Variants in MBIP observed in about 807,000 individuals in gnomAD.
MBIP encodes MAP3K12-binding inhibitory protein 1.
MBIP carries 32 observed loss-of-function variants against 45.7 expected under a neutral mutation model. The observed-to-expected ratio is 0.70, with a 90% confidence interval of 0.53 to 0.94. The LOEUF (loss-of-function observed/expected upper bound fraction) is 0.94, where lower values mean the gene tolerates loss of function less well. MBIP is among the 40% of genes least tolerant of loss of function. The pLI is 0.00. For missense variants in MBIP, 381 were observed against 405.5 expected (o/e 0.94, Z 0.52); for synonymous variants, 145 against 141.0 (o/e 1.03, Z -0.20).
chr14:36,310,361 C>G (rs929837147), intron 6 of MBIP, among the ~76,000 whole-genome samples: 6 of 152,100 alleles, frequency 3.9e-5, no homozygotes, highest in African/African-American at 1.4e-4. Context: ...AATGGTGTTT[C>G]TTCTTTTTGG....
intron 1 of MBIP, among the ~76,000 whole-genome samples, chr14:36,318,401 A>C (rs982494839): frequency 6.6e-6 from 1 of 152,008 alleles, no homozygotes; most frequent in Non-Finnish European, 1.5e-5. Flanking sequence ...ATAATGTCAC[A>C]AATTAATTTT....
rs535714240 is a variant in MBIP at position 36,307,076 on chromosome 14, C to T, written c.888+1016G>A. 5.3e-5 allele frequency among the ~76,000 whole-genome samples: 8 copies of T among 152,256 alleles called. No individual in the cohort carries two copies. The South Asian group carries it at 1.7e-3, about 32-fold the overall frequency. The stretch of plus-strand genomic sequence containing the variant: ...ATCTCATTTGATCTTTGCTTCAGCC[C>T]TTAGTATTTTCATAAACCTCATTTT... On this transcript the variant is annotated intron_variant, in intron 7 of 8. Transcript: ENST00000416007.
rs1237687610 is a variant in MBIP, at chr14:36,308,207, A to T, written c.791-18T>A. On this transcript the variant is annotated intron_variant, in intron 6 of 8. Transcript: ENST00000416007. ...TGGACCACCTAAATACATTAAAAAAAAATCTGAGATACTATTGAATAATTC... is the reference window on the plus strand; with the variant it reads ...TGGACCACCTAAATACATTAAAAAATAATCTGAGATACTATTGAATAATTC... The T allele has an allele frequency of 1.6e-6, 2 of 1,235,292 alleles. No individual in the cohort carries two copies. Among genetic ancestry groups the T allele is most frequent in the Non-Finnish European group, 2.3e-6 (2 of 861,160 alleles). The allele number at this position is 1,235,292 out of a possible 1,614,324, so 76.5% of individuals were successfully genotyped here.
At chr14:36,310,251 C>T (rs1880123812) in intron 6 of MBIP, among the ~76,000 whole-genome samples, 1 of 152,082 alleles carries the variant, frequency 6.6e-6, no homozygotes, top group Non-Finnish European at 1.5e-5. Flanking sequence ...CTTCTTCTAC[C>T]TTCATCTGGC....
At chr14:36,311,519 T>G (rs1158446716) in intron 6 of MBIP, 54 bp downstream of exon 6, 2 of 1,527,142 alleles carry the variant, frequency 1.3e-6, no homozygotes, top group Non-Finnish European at 1.8e-6. Flanking sequence ...GAACTGCAAT[T>G]TTTTAACCAT....
rs1880845422 is a variant in MBIP, at chr14:36,320,557, C to T, written c.32G>A (p.Ser11Asn). The T allele has an allele frequency of 6.2e-7, 1 of 1,613,466 alleles. No individual in the cohort carries two copies. The highest frequency in any genetic ancestry group is 8.5e-7 in the Non-Finnish European group (1 of 1,179,700). ...TCGCTCCAGGTTCCTGTCACCGCTG[C>T]TCGGGCGATTAAGCTCCGTGGCAGC... is the stretch of plus-strand genomic sequence containing the variant. Reference protein sequence around the residue: MAAATELNRPSSGDRNLERRC... With the variant: MAAATELNRPNSGDRNLERRC... Residue 11 changes from serine (S) to asparagine (N), a missense_variant, in exon 1 of 9, where the codon AGC becomes AAC. Physicochemically the swap from Ser to Asn is conservative, Grantham distance 46 (BLOSUM62 1). Transcript: ENST00000416007.
chr14:36,309,386 T>A (rs1342448847), intron 6 of MBIP, among the ~76,000 whole-genome samples: 1 of 152,214 alleles, frequency 6.6e-6, no homozygotes, highest in African/African-American at 2.4e-5. Context: ...GTTTTGTTCA[T>A]TAGGTAGGGC....
rs572193144 is a variant in MBIP, at chr14:36,303,781, T to C, written c.889-2958A>G. Among the ~76,000 whole-genome samples, 35 of 152,298 alleles carry C rather than the reference T, an allele frequency of 2.3e-4. 1 individual carries two copies. Among genetic ancestry groups the C allele is most frequent in the Non-Finnish European group, 4.4e-4 (30 of 68,020 alleles). ...CTCTTCCATGACTGGCTTGCTTTCT[T>C]TCAGTTGTAAAAGGCAACTGATTCT... On this transcript the variant is annotated intron_variant, in intron 7 of 8. Transcript: ENST00000416007.
intron 7 of MBIP, among the ~76,000 whole-genome samples, chr14:36,302,491 T>TAAA (rs377221159): frequency 2.0e-5 from 2 of 100,562 alleles, no homozygotes; most frequent in African/African-American, 3.4e-5. Flanking sequence ...GACACCATCT[T>TAAA]AAAAAAAAAA....
chr14:36,307,980 T>C, intron 7 of MBIP, 112 bp downstream of exon 7: 1 of 599,144 alleles, frequency 1.7e-6, no homozygotes, highest in East Asian at 2.8e-5. Context: ...TCATTCATCT[T>C]TGAATTATTA....
At chr14:36,307,086 TCATAAACCTCATTTTA>T (rs1879926958) in intron 7 of MBIP, among the ~76,000 whole-genome samples, 1 of 152,246 alleles carries the variant, frequency 6.6e-6, no homozygotes, top group South Asian at 2.1e-4. Context: ...CTTAGTATTT[TCATAAACCTCATTTTA>T]CATTTGAGAG....
intron 7 of MBIP, 80 bp from the exon 8 acceptor site, chr14:36,300,903 T>C (rs376492258): frequency 9.4e-6 from 8 of 852,502 alleles, no homozygotes; most frequent in African/African-American, 8.8e-5. Context: ...GTACAAATTA[T>C]GTACAGCCTT....
intron 4 of MBIP, 73 bp from the exon 5 acceptor site, chr14:36,312,097 T>C: frequency 1.3e-6 from 1 of 762,436 alleles, no homozygotes; most frequent in Non-Finnish European, 2.1e-6. Flanking sequence ...TAATAAACTT[T>C]CAATAATTCA....
intron 1 of MBIP, among the ~76,000 whole-genome samples, chr14:36,318,756 A>AT (rs1247110791): frequency 6.6e-6 from 1 of 152,022 alleles, no homozygotes; most frequent in Non-Finnish European, 1.5e-5. Flanking sequence ...TAATACAACG[A>AT]TACTTAGGGA....
intron 7 of MBIP, among the ~76,000 whole-genome samples, chr14:36,301,276 T>C (rs893990126): frequency 6.6e-6 from 1 of 152,170 alleles, no homozygotes; most frequent in Non-Finnish European, 1.5e-5. Flanking sequence ...GGACTGACTA[T>C]AGTAGACACT....
intron 1 of MBIP, among the ~76,000 whole-genome samples, chr14:36,317,801 T>C (rs1405477907): frequency 6.6e-6 from 1 of 152,098 alleles, no homozygotes; most frequent in Non-Finnish European, 1.5e-5. Context: ...TCATCTTTTC[T>C]ACAAAATAAA....
chr14:36,309,630 T>C (rs1880085286), intron 6 of MBIP, among the ~76,000 whole-genome samples: 1 of 152,246 alleles, frequency 6.6e-6, no homozygotes. Flanking sequence ...TTCTTGTTCT[T>C]AAATAAGTTA....
chr14:36,300,154 AAAGT>A (rs759402028), intron 8 of MBIP, among the ~76,000 whole-genome samples: 12 of 152,232 alleles, frequency 7.9e-5, no homozygotes, highest in Non-Finnish European at 1.6e-4. Flanking sequence ...AATAGTAAAA[AAAGT>A]TAGTTAACTT....
At position 36,314,566 on chromosome 14, in the gene MBIP, C is replaced by T; in HGVS notation, c.517G>A (p.Glu173Lys). The T allele has an allele frequency of 6.2e-7, 1 of 1,611,552 alleles. No individual in the cohort carries two copies. The highest frequency in any genetic ancestry group is 8.5e-7 in the Non-Finnish European group (1 of 1,179,078). The change falls in exon 4 of 9, where the codon GAA (glutamate) becomes AAA (lysine). Residue 173 changes from glutamate (E) to lysine (K), a missense_variant. By Grantham distance (56) the Glu-to-Lys change is moderately conservative. Transcript: ENST00000416007. Reference protein sequence around the residue: ...ISAFIERKQAEINENNVREFC... With the variant: ...ISAFIERKQAKINENNVREFC... ...TCCCTGACGTTGTTTTCATTGATTT[C>T]AGCTTGCTTTCTTTCAATAAATGCA...
Sources: allele counts gnomAD v4.1 joint callset (sites outside exome capture counted in the v4.1 genomes callset), GRCh38; gene constraint gnomAD v4.1.1; transcripts MANE v1.5; gene names NCBI Gene and HGNC (gene_info 2026-07-23, HGNC 2026-07-21).